R3HCC1L: variants seen among roughly 807,000 people sequenced by gnomAD.
R3HCC1L encodes R3H domain and coiled-coil containing 1 like.
R3HCC1L carries 51 observed loss-of-function variants against 59.9 expected under a neutral mutation model. That is an observed-to-expected ratio of 0.85 (90% CI 0.68 to 1.07). The LOEUF is 1.07. R3HCC1L is among the 50% of genes least tolerant of loss of function. The pLI is 0.00. For synonymous variants in R3HCC1L, 322 were observed against 315.2 expected, an observed-to-expected ratio of 1.02 and a Z score of -0.23; for missense variants, 965 against 933.0, an observed-to-expected ratio of 1.03 and a Z score of -0.45.
intron 9 of R3HCC1L, among the ~76,000 whole-genome samples, chr10:98,239,032 T>C (rs186883331): frequency 4.4e-4 from 67 of 152,352 alleles, no homozygotes; most frequent in Non-Finnish European, 8.5e-4. Flanking sequence ...TGCCATTAAC[T>C]AGCTGCGTGG....
At chr10:98,228,913 T>C (rs1311820288) in intron 5 of R3HCC1L, among the ~76,000 whole-genome samples, 2 of 152,244 alleles carry the variant, frequency 1.3e-5, no homozygotes, top group African/African-American at 4.8e-5. Flanking sequence ...GTATTATTTC[T>C]GAGGCCTCTG....
At chr10:98,187,708 AAACAGATAAGATGT>A (rs1231170642) in intron 4 of R3HCC1L, among the ~76,000 whole-genome samples, 1 of 151,632 alleles carries the variant, frequency 6.6e-6, no homozygotes, top group Non-Finnish European at 1.5e-5. Context: ...GAGTTGAGTC[AAACAGATAAGATGT>A]AACAATTCTT....
chr10:98,191,801 T>G (rs1365007548), intron 4 of R3HCC1L, among the ~76,000 whole-genome samples: 1 of 152,184 alleles, frequency 6.6e-6, no homozygotes, highest in African/African-American at 2.4e-5. Context: ...CATTTAAGTC[T>G]TTAATCCATC....
chr10:98,165,837 T>C (rs1292327315), intron 4 of R3HCC1L, among the ~76,000 whole-genome samples: 1 of 152,202 alleles, frequency 6.6e-6, no homozygotes, highest in Non-Finnish European at 1.5e-5. Flanking sequence ...AATTTAGTCA[T>C]GAAGGTGGAG....
In R3HCC1L at chr10:98,231,684, A is replaced by G. The variant is rs1433892163; in HGVS notation, c.1958A>G (p.Tyr653Cys). The G allele has an allele frequency of 1.2e-6, 2 of 1,604,820 alleles. No individual in the cohort carries two copies. The highest frequency in any genetic ancestry group is 1.1e-5 in the South Asian group (1 of 89,924). The change falls in exon 6 of 10, where the codon TAT (tyrosine) becomes TGT (cysteine). Residue 653 changes from tyrosine (Y) to cysteine (C), a missense_variant. Physicochemically the swap from Tyr to Cys is radical, Grantham distance 194. Transcript: ENST00000298999. The stretch of plus-strand genomic sequence containing the variant: ...GACCTTCTACGGGTTTTCTGCAGTT[A>G]TCAGTGAGTATGCAAATGATTGTGG... ...TEDLLRVFCS[Y>C]QKKGFDIKWV...
chr10:98,179,308 C>T (rs1849381895), intron 4 of R3HCC1L, among the ~76,000 whole-genome samples: 1 of 152,088 alleles, frequency 6.6e-6, no homozygotes, highest in South Asian at 2.1e-4. Flanking sequence ...TTTTCTGCAT[C>T]TATTGAGATA....
At chr10:98,240,247 G>A (rs1382475200) in intron 9 of R3HCC1L, among the ~76,000 whole-genome samples, 2 of 152,024 alleles carry the variant, frequency 1.3e-5, no homozygotes, top group East Asian at 1.9e-4. Flanking sequence ...CGGAGGTTGC[G>A]GTGAGCCGAG....
At chr10:98,181,469 C>G (rs545836236) in intron 4 of R3HCC1L, among the ~76,000 whole-genome samples, 1 of 152,194 alleles carries the variant, frequency 6.6e-6, no homozygotes, top group South Asian at 2.1e-4. Context: ...TCATTTCAAT[C>G]TTGGTGAATC....
At chr10:98,210,672 G>A (rs1201103238) in intron 5 of R3HCC1L, among the ~76,000 whole-genome samples, 1 of 152,114 alleles carries the variant, frequency 6.6e-6, no homozygotes, top group Admixed American at 6.5e-5. Flanking sequence ...TCCTATAAGA[G>A]CACCAGTTTT....
chr10:98,153,832 G>A (rs1846541139), intron 1 of R3HCC1L, among the ~76,000 whole-genome samples: 1 of 150,752 alleles, frequency 6.6e-6, no homozygotes. Context: ...AATTCCAGAA[G>A]TAGTCAGTTT....
intron 4 of R3HCC1L, among the ~76,000 whole-genome samples, chr10:98,198,387 A>G (rs1015911264): frequency 2.0e-5 from 3 of 152,096 alleles, no homozygotes; most frequent in Admixed American, 6.5e-5. Flanking sequence ...CAGGACTAGG[A>G]CATCTCTTAG....
At chr10:98,230,321 T>C (rs2135600322) in intron 5 of R3HCC1L, among the ~76,000 whole-genome samples, 1 of 152,340 alleles carries the variant, frequency 6.6e-6, no homozygotes, top group East Asian at 1.9e-4. Flanking sequence ...AGAGTGTATG[T>C]GTCGAGGAAT....
At chr10:98,212,552 A>T (rs1853703177) in intron 5 of R3HCC1L, among the ~76,000 whole-genome samples, 2 of 152,204 alleles carry the variant, frequency 1.3e-5, no homozygotes, top group Admixed American at 1.3e-4. Flanking sequence ...GTCTCCAAGA[A>T]TCACACTTAG....
chr10:98,232,010 T>C (rs1856455288), intron 6 of R3HCC1L, among the ~76,000 whole-genome samples: 1 of 152,178 alleles, frequency 6.6e-6, no homozygotes, highest in Non-Finnish European at 1.5e-5. Flanking sequence ...TTGCCTGCCA[T>C]CTTTATGTGT....
chr10:98,158,994 C>G (rs1230889779), intron 2 of R3HCC1L, among the ~76,000 whole-genome samples: 1 of 151,874 alleles, frequency 6.6e-6, no homozygotes, highest in East Asian at 1.9e-4. Flanking sequence ...TTTGTAGAGA[C>G]AGATTCTCCC....
At chr10:98,201,788 A>C (rs975220101) in intron 4 of R3HCC1L, among the ~76,000 whole-genome samples, 1 of 152,210 alleles carries the variant, frequency 6.6e-6, no homozygotes, top group African/African-American at 2.4e-5. Context: ...CACTGGAAAA[A>C]TGATAGTTGC....
intron 4 of R3HCC1L, among the ~76,000 whole-genome samples, chr10:98,166,324 C>T (rs1489944756): frequency 6.6e-6 from 1 of 152,228 alleles, no homozygotes; most frequent in African/African-American, 2.4e-5. Context: ...GGACTTCTAG[C>T]TATTAGAATT....
intron 4 of R3HCC1L, among the ~76,000 whole-genome samples, chr10:98,178,292 G>A (rs1347836921): frequency 5.3e-5 from 8 of 152,172 alleles, no homozygotes; most frequent in Non-Finnish European, 1.2e-4. Flanking sequence ...TGGCTAGCCA[G>A]TTTTCCCAGC....
At chr10:98,211,811 G>C (rs987927184) in intron 5 of R3HCC1L, among the ~76,000 whole-genome samples, 3 of 152,112 alleles carry the variant, frequency 2.0e-5, no homozygotes, top group Non-Finnish European at 4.4e-5. Flanking sequence ...TTATGGATAT[G>C]GCTTGTGTAT....
Sources: gnomAD v4.1 joint callset for allele counts (sites outside exome capture counted in the v4.1 genomes callset) on GRCh38, gnomAD v4.1.1 for gene constraint, MANE v1.5 for transcripts, NCBI Gene and HGNC (gene_info 2026-07-23, HGNC 2026-07-21) for gene names.